The following PCCB variants were observed in gnomAD, a reference collection of about 807,000 sequenced individuals.
The protein encoded by PCCB is propionyl-CoA carboxylase beta chain, mitochondrial.
Under a neutral mutation model 60.7 loss-of-function variants are expected in PCCB, and 43 were observed. The observed-to-expected ratio is 0.71, with a 90% CI of 0.55 to 0.91. The LOEUF is 0.91. Among genes scored for constraint, PCCB ranks in the 40% least tolerant of loss-of-function variants. The pLI is 0.00. For synonymous variants in PCCB, 276 were observed against 255.9 expected (o/e 1.08, Z -0.75); for missense variants, 766 against 702.8 (o/e 1.09, Z -1.02).
At chr3:136,328,017 G>C (rs998960705) in intron 13 of PCCB, among the ~76,000 whole-genome samples, 1 of 152,172 alleles carries the variant, frequency 6.6e-6, no homozygotes, top group Non-Finnish European at 1.5e-5. Context: ...TTTTGAGATT[G>C]TAAGTAAAGG....
At chr3:136,278,693 A>G (rs137927555) in intron 5 of PCCB, among the ~76,000 whole-genome samples, 1 of 152,218 alleles carries the variant, frequency 6.6e-6, no homozygotes, top group East Asian at 1.9e-4. Flanking sequence ...TAAATTTAAG[A>G]TTTGTTTTGT....
At chr3:136,263,989 G>C (rs1576408963) in intron 5 of PCCB, among the ~76,000 whole-genome samples, 1 of 150,684 alleles carries the variant, frequency 6.6e-6, no homozygotes, top group East Asian at 2.0e-4. Context: ...TCCAACCTGG[G>C]TGACAGAGCA....
In PCCB at chr3:136,329,914, A is replaced by G. The variant is rs1426166328; in HGVS notation, c.1508A>G (p.Asp503Gly). 6.2e-7 allele frequency: 1 copy of G among 1,614,168 alleles called. No homozygotes were observed. Among genetic ancestry groups the G allele is most frequent in the South Asian group, 1.1e-5 (1 of 91,086 alleles). Residue 503 changes from aspartate (D) to glycine (G), a missense_variant, in exon 15 of 15, where the codon GAT becomes GGT. Asp to Gly is a moderately conservative substitution (Grantham distance 94). Transcript: ENST00000251654. The part of the protein sequence containing the change: ...PFPAAVRGFV[D>G]DIIQPSSTRA... Reference sequence around the variant, plus strand: ...TTCTGTGCTTCACCAGGGTTTGTGGATGACATCATCCAACCTTCTTCCACA... The same window carrying G: ...TTCTGTGCTTCACCAGGGTTTGTGGGTGACATCATCCAACCTTCTTCCACA...
At chr3:136,277,577 T>C (rs1009685407) in intron 5 of PCCB, among the ~76,000 whole-genome samples, 2 of 151,978 alleles carry the variant, frequency 1.3e-5, no homozygotes, top group East Asian at 3.9e-4. Context: ...TCTCTCCATG[T>C]GTGGGGAAAG....
intron 5 of PCCB, among the ~76,000 whole-genome samples, chr3:136,283,516 T>A (rs1942533015): frequency 2.0e-5 from 3 of 152,174 alleles, no homozygotes; most frequent in Admixed American, 2.0e-4. Flanking sequence ...TGGGGGGCTT[T>A]GCATTTGGAG....
rs573459987 is a variant in PCCB, at chr3:136,274,189, G to GT, written c.544-9639dup. Reference sequence around the variant, plus strand: ...TATCATTTTAGTTGTTACTTACTTTGTTTTTTTTTCATTGTGTTATTGTTT... The same window carrying GT: ...TATCATTTTAGTTGTTACTTACTTTGTTTTTTTTTTCATTGTGTTATTGTTT... On this transcript the variant is annotated intron_variant, in intron 5 of 14. Transcript: ENST00000251654. 5.0e-3 allele frequency among the ~76,000 whole-genome samples: 738 copies of GT among 148,524 alleles called. 8 individuals carry two copies. Among genetic ancestry groups the GT allele is most frequent in the African/African-American group, 0.017 (682 of 40,432 alleles).
intron 6 of PCCB, among the ~76,000 whole-genome samples, chr3:136,286,780 G>A (rs539426418): frequency 3.3e-5 from 5 of 152,174 alleles, no homozygotes; most frequent in Admixed American, 6.5e-5. Context: ...AGGTTGCAGT[G>A]AGCGCTTTGG....
intron 5 of PCCB, among the ~76,000 whole-genome samples, chr3:136,267,071 GAT>G (rs1220682603): frequency 6.6e-6 from 1 of 152,152 alleles, no homozygotes; most frequent in East Asian, 1.9e-4. Flanking sequence ...TTTTAGTAGA[GAT>G]AGGGTTTCAC....
chr3:136,258,075 A>ATTTC (rs10524213), intron 3 of PCCB, among the ~76,000 whole-genome samples: 43,629 of 152,022 alleles, frequency 0.29, 6,634 homozygotes, highest in Non-Finnish European at 0.34. Flanking sequence ...AAGGAATCAC[A>ATTTC]TTTGTTTTGT....
chr3:136,298,326 A>T (rs1051622039), intron 8 of PCCB, among the ~76,000 whole-genome samples: 2 of 152,098 alleles, frequency 1.3e-5, no homozygotes, highest in South Asian at 4.1e-4. Context: ...TTAAAGAAAA[A>T]TTTTTTGATT....
At chr3:136,322,322 G>A (rs1935139167) in intron 10 of PCCB, among the ~76,000 whole-genome samples, 2 of 152,164 alleles carry the variant, frequency 1.3e-5, no homozygotes, top group South Asian at 4.1e-4. Context: ...ACCTGGTTTT[G>A]ATGTGTAATT....
At chr3:136,295,498 T>C (rs1933891310) in intron 7 of PCCB, among the ~76,000 whole-genome samples, 1 of 152,382 alleles carries the variant, frequency 6.6e-6, no homozygotes, top group South Asian at 2.1e-4. Context: ...CTTCTTAGCA[T>C]CAACTCCAGC....
intron 9 of PCCB, among the ~76,000 whole-genome samples, chr3:136,315,132 C>G (rs935764239): frequency 2.0e-5 from 3 of 152,202 alleles, no homozygotes; most frequent in African/African-American, 7.2e-5. Flanking sequence ...AGAGATATAA[C>G]CACTAAAAGC....
rs185315361 is a variant in PCCB, at chr3:136,309,099, C to T, written c.967-7842C>T. 5.3e-4 allele frequency among the ~76,000 whole-genome samples: 81 copies of T among 151,760 alleles called. 1 individual carries two copies. Among genetic ancestry groups the T allele is most frequent in the Admixed American group, 8.5e-4 (13 of 15,246 alleles). Reference sequence around the variant, plus strand: ...GCAACACGGTGAAACCCCGTCTCTACTAAAATACAAAAAATTAGCTAGGCA... The same window carrying T: ...GCAACACGGTGAAACCCCGTCTCTATTAAAATACAAAAAATTAGCTAGGCA... On this transcript the variant is annotated intron_variant, in intron 9 of 14. Coordinates refer to ENST00000251654, the MANE Select transcript of PCCB (RefSeq NM_000532.5).
At chr3:136,289,477 A>G (rs1386771146) in intron 6 of PCCB, among the ~76,000 whole-genome samples, 1 of 152,224 alleles carries the variant, frequency 6.6e-6, no homozygotes, top group African/African-American at 2.4e-5. Context: ...TAGTCTTAGC[A>G]TGTAATTAAT....
At chr3:136,268,098 A>ATGTATATATATATATATATATATATG (rs1283713299) in intron 5 of PCCB, among the ~76,000 whole-genome samples, 46 of 115,498 alleles carry the variant, frequency 4.0e-4, no homozygotes, top group Middle Eastern at 4.0e-3. Flanking sequence ...ATATATATAT[A>ATGTATATATATATATATATATATATG]TATATATATA....
Position 136,262,002 on chromosome 3 carries a change from C to T in PCCB, c.480C>T (p.Asp160=), listed in dbSNP as rs1454839953. The T allele has an allele frequency of 9.6e-6, 15 of 1,562,458 alleles. No individual in the cohort carries two copies. The South Asian group carries it at 1.6e-4, about 17-fold the overall frequency. Residue 160 remains aspartate (D), a synonymous_variant, in exon 5 of 15, where the codon GAC becomes GAT. Coordinates refer to ENST00000251654, the MANE Select transcript of PCCB (RefSeq NM_000532.5). ...TVGAPVIGLN[D]SGGARIQEGV... ...GGGCTCCAGTGATTGGGCTGAATGA[C>T]TCTGGGGGAGCACGGATCCAAGAAG...
At chr3:136,319,968 A>G (rs1339777032) in intron 10 of PCCB, among the ~76,000 whole-genome samples, 3 of 152,202 alleles carry the variant, frequency 2.0e-5, no homozygotes, top group African/African-American at 7.2e-5. Context: ...TTCTTTCCTC[A>G]TTGAACAGGT....
intron 1 of PCCB, among the ~76,000 whole-genome samples, chr3:136,253,350 A>G (rs1160827777): frequency 6.6e-6 from 1 of 151,110 alleles, no homozygotes; most frequent in Non-Finnish European, 1.5e-5. Flanking sequence ...CGGCCTCCCA[A>G]AGTGTTGGGA....
Sources: gnomAD v4.1 joint callset for allele counts (sites outside exome capture counted in the v4.1 genomes callset) on GRCh38, gnomAD v4.1.1 for gene constraint, MANE v1.5 for transcripts, NCBI Gene and HGNC (gene_info 2026-07-23, HGNC 2026-07-21) for gene names.